METTL15: variants seen among roughly 807,000 people sequenced by gnomAD.
METTL15 encodes the protein 12S rRNA N(4)-cytidine methyltransferase METTL15.
In METTL15, 34 loss-of-function variants were observed where a neutral mutation model predicts 38.3. That is an observed-to-expected ratio of 0.89 (90% CI 0.68 to 1.18). The LOEUF (loss-of-function observed/expected upper bound fraction) is 1.18. METTL15 is among the 50% of genes most tolerant of loss of function. The pLI, the probability that METTL15 is intolerant of heterozygous loss-of-function variation, is 0.00. For missense variants in METTL15, 438 were observed against 498.4 expected, an observed-to-expected ratio of 0.88 and a Z score of 1.15; for synonymous variants, 162 against 170.9, an observed-to-expected ratio of 0.95 and a Z score of 0.41.
At chr11:28,160,703 CATATT>C (rs1383726078) in intron 3 of METTL15, among the ~76,000 whole-genome samples, 4 of 152,062 alleles carry the variant, frequency 2.6e-5, no homozygotes, top group Non-Finnish European at 5.9e-5. Context: ...GCAATAATAA[CATATT>C]ATAGTTATTT....
intron 3 of METTL15, chr11:28,121,998 A>T: frequency 2.4e-6 from 1 of 413,878 alleles, no homozygotes; most frequent in South Asian, 7.4e-5. Context: ...GACAACAATT[A>T]AATGTTGAAT....
intron 6 of METTL15, among the ~76,000 whole-genome samples, chr11:28,484,760 G>C (rs910029585): frequency 6.6e-6 from 1 of 152,108 alleles, no homozygotes; most frequent in African/African-American, 2.4e-5. Flanking sequence ...CGATCGTTTT[G>C]AGTAGAGCTG....
chr11:28,367,201 A>AG (rs1260917096), intron 5 of METTL15, among the ~76,000 whole-genome samples: 1 of 118,870 alleles, frequency 8.4e-6, no homozygotes, highest in Non-Finnish European at 2.0e-5. Context: ...GGAGCCACTG[A>AG]GAAAAAAAAA....
At chr11:28,491,905 G>A (rs903212606) in intron 6 of METTL15, among the ~76,000 whole-genome samples, 2 of 152,012 alleles carry the variant, frequency 1.3e-5, no homozygotes, top group African/African-American at 2.4e-5. Context: ...CCCTTTCCCC[G>A]ATAATCTACC....
chr11:28,178,488 A>G (rs1851160013), intron 3 of METTL15, among the ~76,000 whole-genome samples: 1 of 151,812 alleles, frequency 6.6e-6, no homozygotes, highest in South Asian at 2.1e-4. Flanking sequence ...TGTTTGATAT[A>G]TGTTGCTAAA....
At chr11:28,166,322 G>A (rs1348451927) in intron 3 of METTL15, among the ~76,000 whole-genome samples, 1 of 152,092 alleles carries the variant, frequency 6.6e-6, no homozygotes, top group African/African-American at 2.4e-5. Flanking sequence ...TCTGCTATTA[G>A]TGCCTGGATA....
chr11:28,111,443 T>C (rs1356470017), intron 2 of METTL15, among the ~76,000 whole-genome samples: 2 of 152,218 alleles, frequency 1.3e-5, no homozygotes, highest in Non-Finnish European at 2.9e-5. Flanking sequence ...CCCCGCAGCA[T>C]ACTGTTATTT....
chr11:28,492,238 T>G (rs1443935594), intron 6 of METTL15, among the ~76,000 whole-genome samples: 4 of 152,140 alleles, frequency 2.6e-5, no homozygotes, highest in Non-Finnish European at 4.4e-5. Context: ...CATTCTAGCT[T>G]TCTAGAAGCA....
intron 6 of METTL15, among the ~76,000 whole-genome samples, chr11:28,427,368 G>A (rs1050406259): frequency 2.6e-5 from 4 of 152,148 alleles, no homozygotes; most frequent in Non-Finnish European, 5.9e-5. Context: ...CAGGTAGTGT[G>A]ATGCCTCCAG....
intron 3 of METTL15, among the ~76,000 whole-genome samples, chr11:28,146,438 C>T (rs1849888341): frequency 6.6e-6 from 1 of 151,964 alleles, no homozygotes; most frequent in African/African-American, 2.4e-5. Flanking sequence ...TGACATCCTA[C>T]CAAAGTATTT....
chr11:28,148,780 G>A (rs1407846344), intron 3 of METTL15, among the ~76,000 whole-genome samples: 1 of 151,836 alleles, frequency 6.6e-6, no homozygotes, highest in African/African-American at 2.4e-5. Context: ...TATTGTATTT[G>A]TAGTCATGGT....
At chr11:28,342,881 C>T (rs1282756937) in intron 3 of METTL15, among the ~76,000 whole-genome samples, 3 of 152,160 alleles carry the variant, frequency 2.0e-5, no homozygotes, top group Non-Finnish European at 2.9e-5. Flanking sequence ...GTCGTTAGCC[C>T]TACTAACCAA....
At position 28,442,478 on chromosome 11, in the gene METTL15, A is replaced by G. The variant is rs1851043008; in HGVS notation, c.*424+18114A>G. Among the ~76,000 whole-genome samples, 4 of 152,306 alleles carry G rather than the reference A, an allele frequency of 2.6e-5. No individual in the cohort carries two copies. The South Asian group carries it at 8.3e-4, about 32-fold the overall frequency. ...GACCATGAGTGGCATATGATAGACAATATTATTGCCATTTTGGAGAACACG... is the reference window on the plus strand; with the variant it reads ...GACCATGAGTGGCATATGATAGACAGTATTATTGCCATTTTGGAGAACACG... On this transcript the variant is annotated intron_variant and NMD_transcript_variant, in intron 6 of 7. Transcript: ENST00000532947.
intron 4 of METTL15, among the ~76,000 whole-genome samples, chr11:28,211,717 A>G (rs767504866): frequency 1.4e-4 from 22 of 152,188 alleles, no homozygotes; most frequent in Non-Finnish European, 1.2e-4. Context: ...AATATAAAAT[A>G]TTATATGAAT....
chr11:28,292,496 G>A (rs138513943), intron 5 of METTL15, among the ~76,000 whole-genome samples: 1,534 of 152,138 alleles, frequency 0.01, 26 homozygotes, highest in Non-Finnish European at 0.012. Context: ...CTTTGCTATT[G>A]TGAATAGTGC....
intron 3 of METTL15, chr11:28,122,232 T>A (rs1458564772): frequency 8.5e-7 from 1 of 1,175,204 alleles, no homozygotes; most frequent in African/African-American, 1.6e-5. Flanking sequence ...ATATTTTTTA[T>A]AAAATGCTTT....
At chr11:28,317,087 T>C (rs1223647264) in intron 6 of METTL15, among the ~76,000 whole-genome samples, 2 of 152,226 alleles carry the variant, frequency 1.3e-5, no homozygotes, top group Admixed American at 1.3e-4. Context: ...CAGCAGTTAA[T>C]GTTCCTCATT....
rs543980422 is a variant in METTL15, at chr11:28,476,522, G to A, written c.*425-49956G>A. Among the ~76,000 whole-genome samples the A allele has an allele frequency of 6.6e-5, 10 of 152,244 alleles. No individual in the cohort carries two copies. The East Asian group carries it at 1.7e-3, about 26-fold the overall frequency. On this transcript the variant is annotated intron_variant and NMD_transcript_variant, in intron 6 of 7. Coordinates refer to the METTL15 transcript ENST00000532947. ...GCCAATTTCCATTGGTCTGAATTACGTACTGAGAGTTGAGACAGACCTTAG... is the reference window on the plus strand; with the variant it reads ...GCCAATTTCCATTGGTCTGAATTACATACTGAGAGTTGAGACAGACCTTAG...
At chr11:28,231,678 C>G (rs1853690609) in intron 4 of METTL15, among the ~76,000 whole-genome samples, 1 of 151,872 alleles carries the variant, frequency 6.6e-6, no homozygotes, top group South Asian at 2.1e-4. Context: ...TCATACCTCT[C>G]TTCATGTCTA....
Sources: gnomAD v4.1 joint callset for allele counts (sites outside exome capture counted in the v4.1 genomes callset) on GRCh38, gnomAD v4.1.1 for gene constraint, MANE v1.5 for transcripts, NCBI Gene and HGNC (gene_info 2026-07-23, HGNC 2026-07-21) for gene names.